The following SH3GL1 variants were observed in gnomAD, a reference collection of about 807,000 sequenced individuals.
SH3GL1 encodes SH3 domain containing GRB2 like 1, endophilin A2.
A neutral mutation model predicts 48.8 loss-of-function variants in SH3GL1; 21 were observed. That is an observed-to-expected ratio of 0.43 (90% CI 0.30 to 0.62). The LOEUF (loss-of-function observed/expected upper bound fraction) is 0.62, where lower values mean the gene tolerates loss of function less well. Ranked by LOEUF, SH3GL1 falls within the 20% of genes least tolerant of loss-of-function variation. SH3GL1 has a pLI of 0.11. For missense variants in SH3GL1, 454 were observed against 503.0 expected, an observed-to-expected ratio of 0.90 and a Z score of 0.93; for synonymous variants, 282 against 217.5, an observed-to-expected ratio of 1.30 and a Z score of -2.61.
chr19:4,399,252 G>A (rs994220692), intron 1 of SH3GL1, among the ~76,000 whole-genome samples: 2 of 147,548 alleles, frequency 1.4e-5, no homozygotes, highest in African/African-American at 2.5e-5. Flanking sequence ...CACAGGAGGC[G>A]GAGCTTGCAG....
intron 1 of SH3GL1, among the ~76,000 whole-genome samples, chr19:4,392,518 TCACACACACACACACACA>T (rs60108906): frequency 0.33 from 46,089 of 137,820 alleles, 7,551 homozygotes; most frequent in Non-Finnish European, 0.38. Flanking sequence ...CAAGACTCCG[TCACACACACACACACACA>T]CACACACACA....
chr19:4,369,147 A>C (rs191293199), intron 1 of SH3GL1, among the ~76,000 whole-genome samples: 234 of 152,340 alleles, frequency 1.5e-3, no homozygotes, highest in Middle Eastern at 3.4e-3. Flanking sequence ...ACAGGTGAGA[A>C]GCAGGAACTG....
chr19:4,381,374 ATCTGTCCCCTCTGCCTCTC>A (rs1477094548), intron 1 of SH3GL1, among the ~76,000 whole-genome samples: 1 of 35,570 alleles, frequency 2.8e-5, no homozygotes, highest in Non-Finnish European at 5.2e-5. Flanking sequence ...CCTGTCTCCC[ATCTGTCCCCTCTGCCTCTC>A]TCTGTCCCCC....
At chr19:4,385,293 G>A (rs117278709) in intron 1 of SH3GL1, among the ~76,000 whole-genome samples, 2,673 of 152,252 alleles carry the variant, frequency 0.018, 26 homozygotes, top group Middle Eastern at 0.024. Context: ...GTCATTCTTA[G>A]CTGCCTTTCT....
intron 1 of SH3GL1, among the ~76,000 whole-genome samples, chr19:4,398,672 C>G (rs2032662061): frequency 6.6e-6 from 1 of 152,144 alleles, no homozygotes; most frequent in Non-Finnish European, 1.5e-5. Context: ...CGCGCCCGGC[C>G]AAATTTGAGG....
At chr19:4,378,265 G>C (rs1295699018) in intron 1 of SH3GL1, among the ~76,000 whole-genome samples, 1 of 152,214 alleles carries the variant, frequency 6.6e-6, no homozygotes, top group Non-Finnish European at 1.5e-5. Flanking sequence ...CACGAGGCAA[G>C]CAGGCTGACG....
rs914393101 is a variant in SH3GL1 at position 4,364,451 on chromosome 19, G to T, written c.332-230C>A. The stretch of plus-strand genomic sequence containing the variant: ...CACCTGGATCCTTTCCAACTTCTTT[G>T]AGATGAAGTCTCGCTGTTGCCCAGG... On this transcript the variant is annotated intron_variant, in intron 4 of 9. Coordinates refer to ENST00000269886, the MANE Select transcript of SH3GL1 (RefSeq NM_003025.4). The T allele has an allele frequency of 1.3e-5, 7 of 558,014 alleles. No individual in the cohort carries two copies. In the African/African-American group the frequency reaches 1.3e-4, roughly 11 times the overall value. 34.6% of individuals were successfully genotyped at this position (558,014 alleles called of 1,614,324 possible).
rs1055900675 is a variant in SH3GL1 at position 4,376,397 on chromosome 19, C to T, written c.46-9403G>A. Among the ~76,000 whole-genome samples, 2 of 152,172 alleles carry T rather than the reference C, an allele frequency of 1.3e-5. No individual in the cohort carries two copies. The highest frequency in any genetic ancestry group is 2.9e-5 in the Non-Finnish European group (2 of 68,024). On this transcript the variant is annotated intron_variant, in intron 1 of 9. Coordinates refer to ENST00000269886, the MANE Select transcript of SH3GL1 (RefSeq NM_003025.4). This position sits in a 1 kb window ranked among gnomAD's most constrained non-coding sequence, Gnocchi z 4.3. ...TTCTGTAGAGAACCTCAGCGCCCTC[C>T]TCCCTGCCGGCAGCCAGGCAGGGAT... is the stretch of plus-strand genomic sequence containing the variant.
intron 9 of SH3GL1, among the ~76,000 whole-genome samples, 180 bp downstream of exon 9, chr19:4,362,149 G>C (rs956119926): frequency 6.6e-6 from 1 of 152,228 alleles, no homozygotes; most frequent in Non-Finnish European, 1.5e-5. Context: ...CATTCACACT[G>C]TGAGGCTGAG....
intron 1 of SH3GL1, among the ~76,000 whole-genome samples, chr19:4,385,111 A>AC (rs981876465): frequency 8.6e-5 from 13 of 151,706 alleles, no homozygotes; most frequent in South Asian, 4.2e-4. Context: ...AAAAAAAAAA[A>AC]AAAAAACTAG....
At chr19:4,379,004 G>A (rs575453689) in intron 1 of SH3GL1, among the ~76,000 whole-genome samples, 7 of 152,362 alleles carry the variant, frequency 4.6e-5, no homozygotes, top group South Asian at 4.1e-4. Flanking sequence ...GCTACAGCTG[G>A]CTGATCGTGC....
intron 1 of SH3GL1, among the ~76,000 whole-genome samples, chr19:4,371,015 T>G (rs540620038): frequency 5.3e-5 from 8 of 152,372 alleles, no homozygotes; most frequent in African/African-American, 1.9e-4. Context: ...GCATGGATTT[T>G]CTGCCTGACC....
rs1159849083 is a variant in SH3GL1 at position 4,367,033 on chromosome 19, GTAGGAGGAAGAA to G, written c.46-51_46-40del. On this transcript the variant is annotated intron_variant, in intron 1 of 9. Coordinates refer to ENST00000269886, the MANE Select transcript of SH3GL1 (RefSeq NM_003025.4). This position sits in a 1 kb window ranked among gnomAD's most constrained non-coding sequence, Gnocchi z 4.2. ...GAGGGGAAACGCTGTGAGCCCAGGGGTAGGAGGAAGAAGAGGACAGGAGGCCCTGAGCCGCCT... is the reference window on the plus strand; with the variant it reads ...GAGGGGAAACGCTGTGAGCCCAGGGGGAGGACAGGAGGCCCTGAGCCGCCT... 2 of 1,594,106 alleles carry G rather than the reference GTAGGAGGAAGAA, an allele frequency of 1.3e-6. No homozygotes were observed. Among genetic ancestry groups the G allele is most frequent in the East Asian group, 4.5e-5 (2 of 44,786 alleles).
rs1272611252 is a variant in SH3GL1, at chr19:4,360,748, CT to C, written c.*851del. On this transcript the variant is annotated 3_prime_UTR_variant, in exon 10 of 10. Transcript: ENST00000269886. ...GGCTGGGACATGCGCTCACTGGAACCTTTGTGCTTGGCCCTCGGCAGCGCGG... is the reference window on the plus strand; with the variant it reads ...GGCTGGGACATGCGCTCACTGGAACCTTGTGCTTGGCCCTCGGCAGCGCGG... 4.3e-6 allele frequency: 1 copy of C among 233,386 alleles called. No homozygotes were observed. The highest frequency in any genetic ancestry group is 8.5e-6 in the Non-Finnish European group (1 of 118,226). The allele number at this position is 233,386 out of a possible 1,614,324, so 14.5% of individuals were successfully genotyped here.
chr19:4,378,993 G>T (rs1973067080), intron 1 of SH3GL1, among the ~76,000 whole-genome samples: 1 of 152,232 alleles, frequency 6.6e-6, no homozygotes, highest in Non-Finnish European at 1.5e-5. Flanking sequence ...AGGAAAAACT[G>T]GCTACAGCTG....
At chr19:4,379,279 C>A (rs770137726) in intron 1 of SH3GL1, among the ~76,000 whole-genome samples, 1 of 151,478 alleles carries the variant, frequency 6.6e-6, no homozygotes, top group African/African-American at 2.4e-5. Context: ...CATGGTGAAA[C>A]CCCAGGCATG....
intron 8 of SH3GL1, 91 bp from the exon 9 acceptor site, chr19:4,362,476 C>T: frequency 1.3e-6 from 2 of 1,569,544 alleles, no homozygotes; most frequent in Non-Finnish European, 1.7e-6. Context: ...TTCCCGTCTG[C>T]CTTGGCGGTC....
Position 4,361,508 on chromosome 19 carries a change from G to A in SH3GL1, c.*92C>T, listed in dbSNP as rs575146953. 31 of 1,028,288 alleles carry A rather than the reference G, an allele frequency of 3.0e-5. No homozygotes were observed. Among genetic ancestry groups the A allele is most frequent in the East Asian group, 1.3e-4 (5 of 39,152 alleles). The allele number at this position is 1,028,288 out of a possible 1,614,324, so 63.7% of individuals were successfully genotyped here. On this transcript the variant is annotated 3_prime_UTR_variant, in exon 10 of 10. Transcript: ENST00000269886. ...GGTGGCGCCGGCAGGCTCAGACACC[G>A]CCCTGGCAGCAGGGGCTCCGTGGAA...
intron 1 of SH3GL1, among the ~76,000 whole-genome samples, chr19:4,377,794 G>T (rs1349364843): frequency 2.0e-5 from 3 of 152,246 alleles, no homozygotes; most frequent in African/African-American, 7.2e-5. Flanking sequence ...GGGAATCTCA[G>T]AATTGCTGAC....
Sources: gnomAD v4.1 joint callset for allele counts (sites outside exome capture counted in the v4.1 genomes callset) on GRCh38, gnomAD v4.1.1 for gene constraint, Gnocchi (gnomAD v3.1) non-coding constraint, MANE v1.5 for transcripts, NCBI Gene and HGNC (gene_info 2026-07-23, HGNC 2026-07-21) for gene names.